Variants in DNM3 observed in about 807,000 individuals in gnomAD.
DNM3 encodes dynamin 3, also known as dynamin-3.
Under a neutral mutation model 101.6 loss-of-function variants are expected in DNM3, and 47 were observed. That is an observed-to-expected ratio of 0.46 (90% confidence interval 0.37 to 0.59). DNM3 has a LOEUF of 0.59. DNM3 is among the 20% of genes least tolerant of loss of function. The probability of loss-of-function intolerance (pLI) is 0.00; values close to 1 mark genes in which losing one functional copy is unlikely to be tolerated. For missense variants in DNM3, 849 were observed against 1,085.7 expected, an observed-to-expected ratio of 0.78 and a Z score of 3.06; for synonymous variants, 385 against 387.9, an observed-to-expected ratio of 0.99 and a Z score of 0.09.
intron 14 of DNM3, among the ~76,000 whole-genome samples, chr1:172,169,857 C>T (rs984896562): frequency 5.9e-5 from 9 of 151,684 alleles, no homozygotes; most frequent in African/African-American, 2.2e-4. Flanking sequence ...ATGAACTATC[C>T]ATAATTTTGT....
intron 14 of DNM3, among the ~76,000 whole-genome samples, chr1:172,250,398 T>C (rs975036939): frequency 6.6e-6 from 1 of 152,118 alleles, no homozygotes. Context: ...AATTTGTAAG[T>C]GTTTTTAAAC....
intron 2 of DNM3, among the ~76,000 whole-genome samples, chr1:171,940,054 T>C (rs2125406074): frequency 6.6e-6 from 1 of 152,286 alleles, no homozygotes; most frequent in Middle Eastern, 3.4e-3. Flanking sequence ...TGCTGAATGA[T>C]ATGATCAGTG....
At chr1:172,329,651 AG>A (rs1180900916) in intron 17 of DNM3, among the ~76,000 whole-genome samples, 1 of 152,192 alleles carries the variant, frequency 6.6e-6, no homozygotes, top group African/African-American at 2.4e-5. Flanking sequence ...ATGAGACAGT[AG>A]AGTTAAAAGG....
chr1:172,413,050 C>CATTT (rs533516012), downstream of DNM3, among the ~76,000 whole-genome samples: 38 of 152,212 alleles, frequency 2.5e-4, no homozygotes, highest in East Asian at 5.4e-3. Context: ...GAAAATGAAG[C>CATTT]ATTTATTTTA....
chr1:171,993,514 T>TTG (rs1230139473), intron 4 of DNM3, among the ~76,000 whole-genome samples: 2 of 150,538 alleles, frequency 1.3e-5, no homozygotes, highest in Non-Finnish European at 3.0e-5. Context: ...TTTTTTTTTT[T>TTG]GTCTTTTGGC....
intron 15 of DNM3, among the ~76,000 whole-genome samples, chr1:172,294,006 A>G (rs2064041476): frequency 1.3e-5 from 2 of 152,008 alleles, no homozygotes; most frequent in South Asian, 4.1e-4. Flanking sequence ...CCTTCCCCAT[A>G]CCTTTACATA....
intron 14 of DNM3, among the ~76,000 whole-genome samples, chr1:172,173,757 A>G (rs1169336068): frequency 6.6e-6 from 1 of 151,766 alleles, no homozygotes; most frequent in East Asian, 1.9e-4. Context: ...AGTTGAGATA[A>G]TTCTTAGCAT....
rs543640416 is a variant in DNM3, at chr1:172,409,179, A to G, written c.*1338A>G. ...AAGCCAACTGGAATTTTGTGTGCTA[A>G]CTGTTCCCAGACAGCAGAGCAAGTA... is the stretch of plus-strand genomic sequence containing the variant. On this transcript the variant is annotated 3_prime_UTR_variant, in exon 21 of 21. Coordinates refer to ENST00000627582, the MANE Select transcript of DNM3 (RefSeq NM_015569.5). The G allele has an allele frequency of 1.0e-6, 1 of 985,378 alleles. No individual in the cohort carries two copies. The highest frequency in any genetic ancestry group is 6.1e-5 in the Admixed American group (1 of 16,268). 61.0% of individuals were successfully genotyped at this position (985,378 alleles called of 1,614,324 possible).
chr1:172,156,055 A>G (rs920271953), intron 14 of DNM3, among the ~76,000 whole-genome samples: 1 of 152,050 alleles, frequency 6.6e-6, no homozygotes, highest in African/African-American at 2.4e-5. Context: ...CGAGGATAAT[A>G]AGTGTTTCTA....
At chr1:172,333,159 G>A (rs1483604893) in intron 17 of DNM3, among the ~76,000 whole-genome samples, 3 of 152,180 alleles carry the variant, frequency 2.0e-5, no homozygotes, top group Non-Finnish European at 4.4e-5. Flanking sequence ...ATAAAAATGG[G>A]TTTGAAGAAT....
chr1:172,110,336 ACTC>A (rs2055374590), intron 13 of DNM3, among the ~76,000 whole-genome samples: 1 of 152,072 alleles, frequency 6.6e-6, no homozygotes. Context: ...AGAAATACAT[ACTC>A]CTCTCACCAC....
chr1:172,070,330 C>A (rs1445276967), intron 11 of DNM3, among the ~76,000 whole-genome samples: 1 of 152,100 alleles, frequency 6.6e-6, no homozygotes, highest in Non-Finnish European at 1.5e-5. Context: ...AATGTCTTGG[C>A]CCCTCCTGGG....
intron 15 of DNM3, among the ~76,000 whole-genome samples, chr1:172,298,008 T>A (rs1416340736): frequency 2.0e-5 from 3 of 152,200 alleles, no homozygotes; most frequent in Non-Finnish European, 4.4e-5. Context: ...CTTTTATATT[T>A]TTCCACTTCT....
chr1:172,361,029 A>G (rs550519146), intron 17 of DNM3, among the ~76,000 whole-genome samples: 3 of 152,090 alleles, frequency 2.0e-5, no homozygotes, highest in Non-Finnish European at 4.4e-5. Context: ...TGACTTTTAC[A>G]ACAGAAGTCA....
At chr1:172,365,373 C>A (rs1287170280) in intron 17 of DNM3, among the ~76,000 whole-genome samples, 1 of 151,800 alleles carries the variant, frequency 6.6e-6, no homozygotes, top group Non-Finnish European at 1.5e-5. Context: ...TTGTACTATT[C>A]TTTCTATTCT....
chr1:172,128,338 C>G (rs2056754198), intron 13 of DNM3, among the ~76,000 whole-genome samples: 1 of 152,194 alleles, frequency 6.6e-6, no homozygotes, highest in African/African-American at 2.4e-5. Context: ...TTTGTCAACT[C>G]CTCCAGTTTC....
intron 2 of DNM3, among the ~76,000 whole-genome samples, chr1:171,973,164 A>T (rs1274136436): frequency 2.0e-5 from 3 of 152,194 alleles, no homozygotes; most frequent in Admixed American, 6.5e-5. Context: ...TGAACAGTTG[A>T]TAACAAAGAA....
Position 172,391,556 on chromosome 1 carries a change from C to T in DNM3, c.2522+2747C>T, listed in dbSNP as rs948828034. ...AGAGAAAGAAAGAAATTGAGAGAAG[C>T]GCTTGTTGAAACTTCACCTTATTCT... is the stretch of plus-strand genomic sequence containing the variant. On this transcript the variant is annotated intron_variant, in intron 20 of 20. Transcript: ENST00000627582. Among the ~76,000 whole-genome samples the T allele has an allele frequency of 9.9e-5, 15 of 152,260 alleles. No individual in the cohort carries two copies. In the East Asian group the frequency reaches 2.3e-3, roughly 24 times the overall value.
intron 20 of DNM3, among the ~76,000 whole-genome samples, chr1:172,403,106 A>G (rs2070625823): frequency 1.3e-5 from 2 of 152,154 alleles, no homozygotes; most frequent in South Asian, 4.1e-4. Context: ...GAGCATATCA[A>G]TCTAACTGCC....
Sources: gnomAD v4.1 joint callset for allele counts (sites outside exome capture counted in the v4.1 genomes callset) on GRCh38, gnomAD v4.1.1 for gene constraint, MANE v1.5 for transcripts, NCBI Gene and HGNC (gene_info 2026-07-23, HGNC 2026-07-21) for gene names.